The following SOD2 variants were observed in gnomAD, a reference collection of about 807,000 sequenced individuals.
The protein encoded by SOD2 is superoxide dismutase [Mn], mitochondrial.
SOD2 carries 11 observed loss-of-function variants against 27.0 expected under a neutral mutation model. The observed-to-expected ratio is 0.41, with a 90% CI of 0.26 to 0.67. The LOEUF (loss-of-function observed/expected upper bound fraction) is 0.67, where lower values mean the gene tolerates loss of function less well. Ranked by LOEUF, SOD2 falls within the 30% of genes least tolerant of loss-of-function variation. The pLI, the probability that SOD2 is intolerant of heterozygous loss-of-function variation, is 0.34. For missense variants in SOD2, 250 were observed against 274.5 expected, an observed-to-expected ratio of 0.91 and a Z score of 0.63; for synonymous variants, 105 against 103.0, an observed-to-expected ratio of 1.02 and a Z score of -0.12.
chr6:159,755,645 T>G, intron 1 of SOD2: 1 of 1,538,244 alleles, frequency 6.5e-7, no homozygotes, highest in Non-Finnish European at 8.7e-7. Context: ...CAGTGTCATT[T>G]AATTTGGGAG....
At chr6:159,704,062 G>A (rs891336371) in intron 1 of SOD2, among the ~76,000 whole-genome samples, 3 of 152,232 alleles carry the variant, frequency 2.0e-5, no homozygotes, top group African/African-American at 7.2e-5. Context: ...GAGGCATGCA[G>A]ATCATGAGGT....
intron 1 of SOD2, chr6:159,714,009 T>A: frequency 1.4e-6 from 1 of 740,420 alleles, no homozygotes; most frequent in South Asian, 1.9e-5. Context: ...GAGCTCTTGG[T>A]GGCAAGTTTG....
intron 1 of SOD2, chr6:159,739,001 T>C: frequency 6.2e-7 from 1 of 1,611,904 alleles, no homozygotes; most frequent in Admixed American, 1.7e-5. Flanking sequence ...TTCGATTGAG[T>C]GAAACAGACT....
chr6:159,753,665 T>C (rs1281079688), intron 1 of SOD2: 1 of 1,552,612 alleles, frequency 6.4e-7, no homozygotes, highest in Admixed American at 2.0e-5. Context: ...GCATTGGCTT[T>C]TTAAAACTGC....
chr6:159,732,784 A>G (rs926085963), intron 1 of SOD2, among the ~76,000 whole-genome samples: 1 of 151,760 alleles, frequency 6.6e-6, no homozygotes, highest in Non-Finnish European at 1.5e-5. Flanking sequence ...AGATCGCGCC[A>G]TTGCACTCCA....
At chr6:159,761,778 T>C (rs951246261) in exon 1 of SOD2, 7 of 262,642 alleles carry the variant, frequency 2.7e-5, no homozygotes, top group Non-Finnish European at 3.8e-5. Flanking sequence ...TCAGGCGCTC[T>C]GTAAATGCGT....
chr6:159,726,042 G>T (rs1462753927), intron 1 of SOD2: 1 of 152,200 alleles, frequency 6.6e-6, no homozygotes, highest in Non-Finnish European at 1.5e-5. Context: ...CAATAACCTT[G>T]TATACCTATT....
At chr6:159,702,499 T>A (rs1326882021) in intron 1 of SOD2, among the ~76,000 whole-genome samples, 2 of 151,172 alleles carry the variant, frequency 1.3e-5, no homozygotes, top group African/African-American at 2.4e-5. Flanking sequence ...TTCACCATGA[T>A]GACCAGGCTG....
chr6:159,733,583 C>T (rs1196807034), intron 1 of SOD2, among the ~76,000 whole-genome samples: 3 of 151,068 alleles, frequency 2.0e-5, no homozygotes, highest in African/African-American at 7.3e-5. Context: ...CATCGCACCA[C>T]TGCACTGTGG....
At chr6:159,715,218 G>A (rs1211455480) in intron 1 of SOD2, among the ~76,000 whole-genome samples, 4 of 152,024 alleles carry the variant, frequency 2.6e-5, no homozygotes, top group African/African-American at 9.7e-5. Context: ...TAGTCGACAA[G>A]AAAAGCTGAA....
In SOD2 at chr6:159,712,889, T is replaced by A; in HGVS notation, c.-116+14240A>T. On this transcript the variant is annotated intron_variant, in intron 1 of 2. Transcript: ENST00000401980. ...GAAAAGTTCTACATAGGTGTGTTCATAAACCCCCCTACTTGTTCCTATAGC... is the reference window on the plus strand; with the variant it reads ...GAAAAGTTCTACATAGGTGTGTTCAAAAACCCCCCTACTTGTTCCTATAGC... 4.7e-6 allele frequency: 3 copies of A among 638,122 alleles called. No individual in the cohort carries two copies. In the South Asian group the frequency reaches 4.9e-5, roughly 10 times the overall value. 39.5% of individuals were successfully genotyped at this position (638,122 alleles called of 1,614,324 possible).
intron 4 of SOD2, among the ~76,000 whole-genome samples, chr6:159,683,481 T>A (rs895034917): frequency 6.6e-6 from 1 of 152,172 alleles, no homozygotes; most frequent in African/African-American, 2.4e-5. Flanking sequence ...TGAGACTCCA[T>A]CACGCACACA....
chr6:159,685,431 A>G (rs2842956), intron 3 of SOD2, among the ~76,000 whole-genome samples: 106,011 of 151,690 alleles, frequency 0.7, 37,566 homozygotes, highest in South Asian at 0.78. Context: ...TAGTAGAGAC[A>G]GGGTTTCTCC....
chr6:159,680,307 A>G lies in SOD2; in HGVS notation c.*2186T>C, dbSNP rs562345099. The stretch of plus-strand genomic sequence containing the variant: ...ACCTTCCTTAGAGAGGCAAGCAGTA[A>G]TCTTACATGACACATAAAAGCTGTT... On this transcript the variant is annotated 3_prime_UTR_variant, in exon 5 of 5. Coordinates refer to ENST00000538183, the MANE Select transcript of SOD2 (RefSeq NM_000636.4). 1.3e-5 allele frequency: 2 copies of G among 152,294 alleles called. No homozygotes were observed. The highest frequency in any genetic ancestry group is 4.1e-4 in the South Asian group (2 of 4,826). The allele number at this position is 152,294 out of a possible 1,614,324, so 9.4% of individuals were successfully genotyped here. A position where few individuals can be genotyped will look rare whatever the true frequency, so the allele number is the denominator to read the frequency against.
chr6:159,682,377 G>T lies in SOD2; in HGVS notation c.*116C>A. ...ACATTAAGTTGTTTATGAAATAAGT[G>T]ACTAAGCAACATCAAGAAATGCTAC... On this transcript the variant is annotated 3_prime_UTR_variant, in exon 5 of 5. Coordinates refer to ENST00000538183, the MANE Select transcript of SOD2 (RefSeq NM_000636.4). The T allele has an allele frequency of 1.3e-6, 1 of 794,140 alleles. No individual in the cohort carries two copies. Among genetic ancestry groups the T allele is most frequent in the Non-Finnish European group, 1.8e-6 (1 of 542,782 alleles). 49.2% of individuals were successfully genotyped at this position (794,140 alleles called of 1,614,324 possible).
chr6:159,685,090 T>G lies in SOD2; in HGVS notation c.344-57A>C, dbSNP rs566646443. ...AATGAACAGATTTCAATAATTACAG[T>G]AAAATGTTATATTACATGTATTAAA... On this transcript the variant is annotated intron_variant, in intron 3 of 4. Coordinates refer to ENST00000538183, the MANE Select transcript of SOD2 (RefSeq NM_000636.4). 1.0e-5 allele frequency: 14 copies of G among 1,337,418 alleles called. No homozygotes were observed. The Admixed American group carries it at 3.5e-4, about 33-fold the overall frequency. The allele number at this position is 1,337,418 out of a possible 1,614,324, so 82.8% of individuals were successfully genotyped here.
intron 1 of SOD2, among the ~76,000 whole-genome samples, chr6:159,753,033 A>G (rs1779877847): frequency 6.6e-6 from 1 of 152,174 alleles, no homozygotes; most frequent in African/African-American, 2.4e-5. Flanking sequence ...GTAGGTACTG[A>G]TTTTCATAAA....
intron 1 of SOD2, among the ~76,000 whole-genome samples, chr6:159,757,534 T>G (rs1157331076): frequency 6.6e-6 from 1 of 151,828 alleles, no homozygotes; most frequent in Non-Finnish European, 1.5e-5. Flanking sequence ...TGCCTCAGAC[T>G]CCTGAGTAGC....
chr6:159,727,713 G>A (rs1407766698), upstream of SOD2: 2 of 985,470 alleles, frequency 2.0e-6, no homozygotes, highest in African/African-American at 3.5e-5. Flanking sequence ...GGTAGGCGCG[G>A]GCCGGCTGGC....
Sources: allele counts gnomAD v4.1 joint callset (sites outside exome capture counted in the v4.1 genomes callset), GRCh38; gene constraint gnomAD v4.1.1; transcripts MANE v1.5; gene names NCBI Gene and HGNC (gene_info 2026-07-23, HGNC 2026-07-21).